The following RGSL1 variants were observed in gnomAD, a reference collection of about 807,000 sequenced individuals.
The protein encoded by RGSL1 is regulator of G protein signaling like 1.
Under a neutral mutation model 124.7 loss-of-function variants are expected in RGSL1, and 97 were observed. That is an observed-to-expected ratio of 0.78 (90% CI 0.66 to 0.92). The LOEUF is 0.92. RGSL1 is among the 40% of genes least tolerant of loss of function. The probability of loss-of-function intolerance (pLI) is 0.00; values close to 1 mark genes in which losing one functional copy is unlikely to be tolerated. For synonymous variants in RGSL1, 424 were observed against 438.1 expected (o/e 0.97, Z 0.40); for missense variants, 1,233 against 1,288.4 (o/e 0.96, Z 0.66).
intron 4 of RGSL1, 130 bp downstream of exon 4, chr1:182,460,263 C>T (rs1652710842): frequency 7.1e-6 from 9 of 1,262,804 alleles, no homozygotes; most frequent in Non-Finnish European, 9.5e-6. Context: ...TATAGGAAGT[C>T]ACACTTCATA....
chr1:182,512,199 G>C (rs763831368), intron 9 of RGSL1, among the ~76,000 whole-genome samples: 43 of 152,120 alleles, frequency 2.8e-4, no homozygotes, highest in Middle Eastern at 3.4e-3. Context: ...TCTGGTGTTA[G>C]GCACATAAAT....
At chr1:182,511,676 G>A (rs1657475548) in intron 9 of RGSL1, among the ~76,000 whole-genome samples, 1 of 152,164 alleles carries the variant, frequency 6.6e-6, no homozygotes, top group African/African-American at 2.4e-5. Flanking sequence ...AAACCAGGTA[G>A]TATGATGCTT....
intron 8 of RGSL1, 59 bp from the exon 9 acceptor site, chr1:182,492,963 A>G: frequency 8.5e-7 from 1 of 1,173,884 alleles, no homozygotes; most frequent in South Asian, 1.3e-5. Flanking sequence ...AAGTATATGA[A>G]TCTTTGAACC....
At chr1:182,520,994 A>G (rs909196690) in intron 9 of RGSL1, among the ~76,000 whole-genome samples, 1 of 152,218 alleles carries the variant, frequency 6.6e-6, no homozygotes, top group Non-Finnish European at 1.5e-5. Context: ...CTTCTGCAAT[A>G]TTAACCTCAA....
At chr1:182,493,692 TG>T (rs1275334721) in intron 9 of RGSL1, among the ~76,000 whole-genome samples, 4 of 152,180 alleles carry the variant, frequency 2.6e-5, no homozygotes, top group African/African-American at 9.6e-5. Flanking sequence ...AATGCCCCTG[TG>T]AAGGATATAA....
chr1:182,503,909 T>G (rs1656591423), intron 9 of RGSL1, among the ~76,000 whole-genome samples: 1 of 152,068 alleles, frequency 6.6e-6, no homozygotes. Context: ...ATTAAAAGTT[T>G]TTTAAAAAAC....
At chr1:182,526,626 C>A (rs931439849) in intron 10 of RGSL1, among the ~76,000 whole-genome samples, 22 of 152,080 alleles carry the variant, frequency 1.4e-4, no homozygotes, top group African/African-American at 5.3e-4. Context: ...GAGCTGTGTT[C>A]GTGTCACTGC....
At chr1:182,547,141 AAAC>A (rs1660261817) in intron 15 of RGSL1, among the ~76,000 whole-genome samples, 1 of 152,252 alleles carries the variant, frequency 6.6e-6, no homozygotes, top group South Asian at 2.1e-4. Flanking sequence ...GATATACAAA[AAAC>A]AACTATGACG....
chr1:182,503,243 G>A (rs1183032512), intron 9 of RGSL1, among the ~76,000 whole-genome samples: 1 of 152,074 alleles, frequency 6.6e-6, no homozygotes, highest in African/African-American at 2.4e-5. Context: ...CCAAGATTTG[G>A]AAGCAACCTA....
rs772202185 is a variant in RGSL1, at chr1:182,521,988, G to C, written c.1826-16G>C. 3 of 1,466,226 alleles carry C rather than the reference G, an allele frequency of 2.0e-6. No homozygotes were observed. Among genetic ancestry groups the C allele is most frequent in the South Asian group, 2.5e-5 (2 of 79,074 alleles). The allele number at this position is 1,466,226 out of a possible 1,614,324, so 90.8% of individuals were successfully genotyped here. On this transcript the variant is annotated splice_polypyrimidine_tract_variant and intron_variant, in intron 9 of 21. Coordinates refer to ENST00000294854, the MANE Select transcript of RGSL1 (RefSeq NM_001137669.2). ...TTATAATATAGTGTTCTCCAACTTA[G>C]TGATTTTTTTTTTAGATTTTAAAAT...
rs562324361 is a variant in RGSL1, at chr1:182,547,255, C to T, written c.2670-1062C>T. On this transcript the variant is annotated intron_variant, in intron 15 of 21. Transcript: ENST00000294854. ...AGGATGATAGGTGCTATGGGAGAAT[C>T]AGGCATAGGAAGTGTATTTAGACAA... Among the ~76,000 whole-genome samples, 38 of 152,336 alleles carry T rather than the reference C, an allele frequency of 2.5e-4. 1 individual carries two copies. The highest frequency in any genetic ancestry group is 1.0e-3 in the South Asian group (5 of 4,832).
chr1:182,514,953 G>A (rs1657748245), intron 9 of RGSL1, among the ~76,000 whole-genome samples: 1 of 152,180 alleles, frequency 6.6e-6, no homozygotes, highest in East Asian at 1.9e-4. Context: ...AAGAGAGCTG[G>A]TTGCCCATTT....
At chr1:182,554,603 A>G (rs1213868588) in intron 19 of RGSL1, 24 bp from the exon 20 acceptor site, 12 of 1,550,126 alleles carry the variant, frequency 7.7e-6, no homozygotes, top group Non-Finnish European at 1.0e-5. Flanking sequence ...TCCTGATGCA[A>G]TTTTTCTCTG....
At chr1:182,558,310 G>A (rs979138530) in intron 21 of RGSL1, among the ~76,000 whole-genome samples, 1 of 152,076 alleles carries the variant, frequency 6.6e-6, no homozygotes, top group Non-Finnish European at 1.5e-5. Context: ...TGCCGTCTAA[G>A]GAAAAGGCCA....
At chr1:182,471,881 A>G in intron 4 of RGSL1, among the ~76,000 whole-genome samples, 1 of 152,124 alleles carries the variant, frequency 6.6e-6, no homozygotes, top group Admixed American at 6.5e-5. Context: ...CCCTAATTTT[A>G]AGGGTGAAAT....
upstream of RGSL1, among the ~76,000 whole-genome samples, chr1:182,448,878 G>A (rs973349793): frequency 2.0e-5 from 3 of 152,134 alleles, no homozygotes; most frequent in African/African-American, 7.2e-5. Flanking sequence ...TGGGAAAGAC[G>A]GTGGGGCAGC....
intron 9 of RGSL1, among the ~76,000 whole-genome samples, chr1:182,508,511 C>A (rs1338929508): frequency 1.3e-5 from 2 of 151,624 alleles, no homozygotes; most frequent in African/African-American, 4.8e-5. Flanking sequence ...GTTGGTCAGG[C>A]TGGTCTTGAA....
At chr1:182,510,224 A>T (rs373094808) in intron 9 of RGSL1, among the ~76,000 whole-genome samples, 16 of 22,048 alleles carry the variant, frequency 7.3e-4, no homozygotes, top group African/African-American at 1.2e-3. Flanking sequence ...GTCTCCTCAC[A>T]TCCCAGACGA....
chr1:182,517,137 C>T (rs1446087542), intron 9 of RGSL1, among the ~76,000 whole-genome samples: 1 of 152,138 alleles, frequency 6.6e-6, no homozygotes, highest in African/African-American at 2.4e-5. Context: ...TTTCTGGATA[C>T]AATATTCTTG....
Sources: allele counts gnomAD v4.1 joint callset (sites outside exome capture counted in the v4.1 genomes callset), GRCh38; gene constraint gnomAD v4.1.1; transcripts MANE v1.5; gene names NCBI Gene and HGNC (gene_info 2026-07-23, HGNC 2026-07-21).